SLC16A13: variants seen among roughly 807,000 people sequenced by gnomAD.
The protein encoded by SLC16A13 is monocarboxylate transporter 13.
Under a neutral mutation model 28.1 loss-of-function variants are expected in SLC16A13, and 28 were observed. The ratio of observed to expected loss-of-function variants is 1.00; its 90% CI spans 0.74 to 1.37. SLC16A13 has a LOEUF of 1.37. SLC16A13 is among the 40% of genes most tolerant of loss of function. The pLI is 0.00. For synonymous variants in SLC16A13, 228 were observed against 241.6 expected (o/e 0.94, Z 0.52); for missense variants, 482 against 531.8 (o/e 0.91, Z 0.92).
At position 7,039,612 on chromosome 17, in the gene SLC16A13, G is replaced by A. The variant is rs568363544; in HGVS notation, c.1082-151G>A. ...AAATTAACTTTTGAGGCCCTTTTGG[G>A]AAACCAGAGTTCTTAAGTTTATCCA... On this transcript the variant is annotated intron_variant, in intron 3 of 3. Transcript: ENST00000308027. This position sits in a 1 kb window ranked among gnomAD's most constrained non-coding sequence, Gnocchi z 4.3. 47 of 814,918 alleles carry A rather than the reference G, an allele frequency of 5.8e-5. No individual in the cohort carries two copies. Among genetic ancestry groups the A allele is most frequent in the Admixed American group, 1.7e-4 (6 of 34,824 alleles). 50.5% of individuals were successfully genotyped at this position (814,918 alleles called of 1,614,324 possible).
rs761941861 is a variant in SLC16A13 at position 7,038,112 on chromosome 17, T to A, written c.344-40T>A. 3.2e-6 allele frequency: 5 copies of A among 1,572,740 alleles called. No individual in the cohort carries two copies. The highest frequency in any genetic ancestry group is 3.4e-6 in the Non-Finnish European group (4 of 1,160,136). On this transcript the variant is annotated intron_variant, in intron 2 of 3. Transcript: ENST00000308027. This position sits in a 1 kb window ranked among gnomAD's most constrained non-coding sequence, Gnocchi z 5.7. The stretch of plus-strand genomic sequence containing the variant: ...GCGGGGATTACTGTGTGCCTTGAGC[T>A]CCCTAAGAGTTCTCAACACCACTTC...
Position 7,038,942 on chromosome 17 carries a change from G to A in SLC16A13, c.1081+53G>A. 6.4e-7 allele frequency: 1 copy of A among 1,554,700 alleles called. No individual in the cohort carries two copies. The highest frequency in any genetic ancestry group is 8.7e-7 in the Non-Finnish European group (1 of 1,154,052). ...GAGGGCTGCCATGTTGCACAACTAGGGGAGGGTACTATTCTCATTACAGTG... is the reference window on the plus strand; with the variant it reads ...GAGGGCTGCCATGTTGCACAACTAGAGGAGGGTACTATTCTCATTACAGTG... On this transcript the variant is annotated intron_variant, in intron 3 of 3. Coordinates refer to ENST00000308027, the MANE Select transcript of SLC16A13 (RefSeq NM_201566.3). This position sits in a 1 kb window ranked among gnomAD's most constrained non-coding sequence, Gnocchi z 5.7.
chr17:7,040,044 C>A lies in SLC16A13; in HGVS notation c.*82C>A. On this transcript the variant is annotated 3_prime_UTR_variant, in exon 4 of 4. Coordinates refer to ENST00000308027, the MANE Select transcript of SLC16A13 (RefSeq NM_201566.3). ...CCACGTCTTGGTCTCCACAGAACCA[C>A]AGTGCCTTAAGATTCTTGATCTGCC... 1.5e-6 allele frequency: 2 copies of A among 1,302,950 alleles called. No individual in the cohort carries two copies. Among genetic ancestry groups the A allele is most frequent in the Non-Finnish European group, 1.1e-6 (1 of 925,400 alleles). 80.7% of individuals were successfully genotyped at this position (1,302,950 alleles called of 1,614,324 possible).
In SLC16A13 at chr17:7,036,722, C is replaced by T; in HGVS notation, c.200-5C>T. On this transcript the variant is annotated splice_polypyrimidine_tract_variant and splice_region_variant and intron_variant, in intron 1 of 3. Transcript: ENST00000308027. ...CTTCTCGCAGCGCCCCTTCCACTTCCTCAGGCCCGGTAGGCAGTGCCCTGA... is the reference window on the plus strand; with the variant it reads ...CTTCTCGCAGCGCCCCTTCCACTTCTTCAGGCCCGGTAGGCAGTGCCCTGA... 6.2e-7 allele frequency: 1 copy of T among 1,612,102 alleles called. No individual in the cohort carries two copies. The highest frequency in any genetic ancestry group is 8.5e-7 in the Non-Finnish European group (1 of 1,179,954).
chr17:7,038,810 G>A lies in SLC16A13; in HGVS notation c.1002G>A (p.Gly334=). 1.2e-6 allele frequency: 2 copies of A among 1,613,964 alleles called. No homozygotes were observed. Among genetic ancestry groups the A allele is most frequent in the East Asian group, 2.2e-5 (1 of 44,882 alleles). ...LAFSVLPELI[G]TRRIYCGLGL... The stretch of plus-strand genomic sequence containing the variant: ...TCTCCGTGCTGCCTGAACTAATAGG[G>A]ACTAGAAGGATTTACTGTGGCCTGG... Residue 334 remains glycine, a synonymous_variant, in exon 3 of 4, where the codon GGG becomes GGA. Coordinates refer to ENST00000308027, the MANE Select transcript of SLC16A13 (RefSeq NM_201566.3). This position sits in a 1 kb window ranked among gnomAD's most constrained non-coding sequence, Gnocchi z 5.7.
intron 2 of SLC16A13, chr17:7,037,126 T>C (rs112621922): frequency 0.045 from 12,539 of 277,786 alleles, 383 homozygotes; most frequent in African/African-American, 0.055. Context: ...CCGAGGCGGG[T>C]GGATCACGAG....
In SLC16A13 at chr17:7,038,649, A is replaced by G. The variant is rs762050984; in HGVS notation, c.841A>G (p.Thr281Ala). 4 of 1,614,072 alleles carry G rather than the reference A, an allele frequency of 2.5e-6. No individual in the cohort carries two copies. Among genetic ancestry groups the G allele is most frequent in the Non-Finnish European group, 3.4e-6 (4 of 1,180,010 alleles). Residue 281 changes from threonine to alanine, a missense_variant, in exon 3 of 4, where the codon ACA becomes GCA. Physicochemically the swap from Thr to Ala is moderately conservative, Grantham distance 58 (BLOSUM62 0). Coordinates refer to ENST00000308027, the MANE Select transcript of SLC16A13 (RefSeq NM_201566.3). This position sits in a 1 kb window ranked among gnomAD's most constrained non-coding sequence, Gnocchi z 5.7. ...GGGAGATGCAGTCCCAGGGCCTGTG[A>G]CACGACTCCTGATGCTCTGGACCAC... The part of the protein sequence containing the change: ...WLGDAVPGPV[T>A]RLLMLWTTLT...
At position 7,038,709 on chromosome 17, in the gene SLC16A13, G is replaced by A; in HGVS notation, c.901G>A (p.Ala301Thr). Residue 301 changes from alanine to threonine, a missense_variant, in exon 3 of 4, where the codon GCT becomes ACT. By Grantham distance (58) the Ala-to-Thr change is moderately conservative (BLOSUM62 0). Transcript: ENST00000308027. The surrounding 1 kb of genome is among the most constrained non-coding windows in gnomAD (Gnocchi z 5.7). ...GGTGTCACTAGCCCTGTTCCCTGTA[G>A]CTCAGGCTCCCACAGCCCTGGTGGC... Reference protein sequence around the residue: ...TGVSLALFPVAQAPTALVALA... With the variant: ...TGVSLALFPVTQAPTALVALA... 6.2e-7 allele frequency: 1 copy of A among 1,614,182 alleles called. No individual in the cohort carries two copies. The highest frequency in any genetic ancestry group is 8.5e-7 in the Non-Finnish European group (1 of 1,180,042).
In SLC16A13 at chr17:7,039,451, C is replaced by T. The variant is rs992528031; in HGVS notation, c.1082-312C>T. 6.8e-6 allele frequency among the ~76,000 whole-genome samples: 1 copy of T among 147,996 alleles called. No homozygotes were observed. Among genetic ancestry groups the T allele is most frequent in the African/African-American group, 2.5e-5 (1 of 39,326 alleles). On this transcript the variant is annotated intron_variant, in intron 3 of 3. Transcript: ENST00000308027. This position sits in a 1 kb window ranked among gnomAD's most constrained non-coding sequence, Gnocchi z 4.3. ...CTTCAGCCTGGGCGACAGAGCGAGA[C>T]TCCGTCTCAAAAAAAAAAAAAAAAG... is the stretch of plus-strand genomic sequence containing the variant.
rs1467661857 is a variant in SLC16A13, at chr17:7,039,886, C to G, written c.1205C>G (p.Ser402Cys). ...TTCTTCTGCTTCTCAACTACTACCT[C>G]CGGGCCCCAGGACCTTGTAACAGAA... ...PHFFCFSTTT[S>C]GPQDLVTEAL... Residue 402 changes from serine to cysteine, a missense_variant, in exon 4 of 4, where the codon TCC becomes TGC. By Grantham distance (112) the Ser-to-Cys change is moderately radical (BLOSUM62 -1). Coordinates refer to ENST00000308027, the MANE Select transcript of SLC16A13 (RefSeq NM_201566.3). The surrounding 1 kb of genome is among the most constrained non-coding windows in gnomAD (Gnocchi z 4.3). 1 of 1,614,186 alleles carries G rather than the reference C, an allele frequency of 6.2e-7. No homozygotes were observed. Among genetic ancestry groups the G allele is most frequent in the Admixed American group, 1.7e-5 (1 of 60,024 alleles).
In SLC16A13 at chr17:7,039,006, C is replaced by A. The variant is rs191781955; in HGVS notation, c.1081+117C>A. 104 of 1,340,958 alleles carry A rather than the reference C, an allele frequency of 7.8e-5. No individual in the cohort carries two copies. Among genetic ancestry groups the A allele is most frequent in the Middle Eastern group, 4.5e-4 (2 of 4,446 alleles). The allele number at this position is 1,340,958 out of a possible 1,614,324, so 83.1% of individuals were successfully genotyped here. On this transcript the variant is annotated intron_variant, in intron 3 of 3. Transcript: ENST00000308027. This position sits in a 1 kb window ranked among gnomAD's most constrained non-coding sequence, Gnocchi z 4.3. The stretch of plus-strand genomic sequence containing the variant: ...CCCTCTGGTGTAGTACAGTACACAG[C>A]CTGCGTGGCCAACCATAGCATCCCT...
At position 7,036,362 on chromosome 17, in the gene SLC16A13, A is replaced by G. The variant is rs1910578626; in HGVS notation, c.-21A>G. 1 of 1,595,900 alleles carries G rather than the reference A, an allele frequency of 6.3e-7. No homozygotes were observed. Among genetic ancestry groups the G allele is most frequent in the Non-Finnish European group, 8.5e-7 (1 of 1,171,188 alleles). The stretch of plus-strand genomic sequence containing the variant: ...GGCTCCTGCAGAGGCTCTGGGTGGC[A>G]GCAGCCCTGTTACCGCTTAGATGGC... On this transcript the variant is annotated 5_prime_UTR_variant, in exon 1 of 4. Transcript: ENST00000308027.
chr17:7,039,841 T>C lies in SLC16A13; in HGVS notation c.1160T>C (p.Ile387Thr), dbSNP rs1910674533. Residue 387 changes from isoleucine (I) to threonine (T), a missense_variant, in exon 4 of 4, where the codon ATT (isoleucine) becomes ACT (threonine). Coordinates refer to ENST00000308027, the MANE Select transcript of SLC16A13 (RefSeq NM_201566.3). This position sits in a 1 kb window ranked among gnomAD's most constrained non-coding sequence, Gnocchi z 4.3. Reference sequence around the variant, plus strand: ...GCCTTCCTTCTTTCAGGGAGTGGCATTCTCCTCACCCTGCCCCACTTCTTC... The same window carrying C: ...GCCTTCCTTCTTTCAGGGAGTGGCACTCTCCTCACCCTGCCCCACTTCTTC... ...AGAFLLSGSGILLTLPHFFCF... is the reference protein window; with the variant it reads ...AGAFLLSGSGTLLTLPHFFCF... The C allele has an allele frequency of 2.5e-6, 4 of 1,614,146 alleles. No homozygotes were observed. Among genetic ancestry groups the C allele is most frequent in the Non-Finnish European group, 3.4e-6 (4 of 1,180,028 alleles).
At position 7,036,830 on chromosome 17, in the gene SLC16A13, T is replaced by G; in HGVS notation, c.303T>G (p.Thr101=). Residue 101 remains threonine (T), a synonymous_variant, in exon 2 of 4, where the codon ACT becomes ACG. Coordinates refer to ENST00000308027, the MANE Select transcript of SLC16A13 (RefSeq NM_201566.3). ...GGATGCTGCTCGCCTCTTTTGCTAC[T>G]TCCTTGACCCACCTATACCTGAGTA... ...ALGMLLASFA[T]SLTHLYLSIG... is the part of the protein sequence containing the mutation. The G allele has an allele frequency of 1.2e-6, 2 of 1,613,798 alleles. No individual in the cohort carries two copies. Among genetic ancestry groups the G allele is most frequent in the South Asian group, 1.1e-5 (1 of 91,092 alleles).
At position 7,039,638 on chromosome 17, in the gene SLC16A13, A is replaced by G. The variant is rs114051518; in HGVS notation, c.1082-125A>G. On this transcript the variant is annotated intron_variant, in intron 3 of 3. Coordinates refer to ENST00000308027, the MANE Select transcript of SLC16A13 (RefSeq NM_201566.3). The surrounding 1 kb of genome is among the most constrained non-coding windows in gnomAD (Gnocchi z 4.3). ...AAACCAGAGTTCTTAAGTTTATCCA[A>G]CTATTCCATGGGAGTTCCAACTCCT... The G allele has an allele frequency of 1.9e-3, 1,848 of 991,836 alleles. 24 individuals carry two copies. The African/African-American group carries it at 0.026, about 14-fold the overall frequency. 61.4% of individuals were successfully genotyped at this position (991,836 alleles called of 1,614,324 possible).
At position 7,039,925 on chromosome 17, in the gene SLC16A13, A is replaced by G; in HGVS notation, c.1244A>G (p.Lys415Arg). 6.2e-7 allele frequency: 1 copy of G among 1,613,920 alleles called. No individual in the cohort carries two copies. Among genetic ancestry groups the G allele is most frequent in the Non-Finnish European group, 8.5e-7 (1 of 1,180,010 alleles). The change falls in exon 4 of 4, where the codon AAA becomes AGA. Residue 415 changes from lysine (K) to arginine (R), a missense_variant. Transcript: ENST00000308027. The surrounding 1 kb of genome is among the most constrained non-coding windows in gnomAD (Gnocchi z 4.3). ...QDLVTEALDT[K>R]VPLPKEGLEE... is the part of the protein sequence containing the mutation. ...CTTGTAACAGAAGCACTAGATACTA[A>G]AGTTCCCCTACCCAAGGAGGGGCTG...
In SLC16A13 at chr17:7,036,539, T is replaced by G; in HGVS notation, c.157T>G (p.Ser53Ala). The G allele has an allele frequency of 2.5e-6, 4 of 1,612,492 alleles. No homozygotes were observed. Among genetic ancestry groups the G allele is most frequent in the Non-Finnish European group, 3.4e-6 (4 of 1,180,036 alleles). Residue 53 changes from serine (S) to alanine (A), a missense_variant, in exon 1 of 4, where the codon TCC (serine) becomes GCC (alanine). Physicochemically the swap from Ser to Ala is moderately conservative, Grantham distance 99. Coordinates refer to ENST00000308027, the MANE Select transcript of SLC16A13 (RefSeq NM_201566.3). ...AAFEEQAARV[S>A]WIASIGIAVQ... ...GTTTGAGGAGCAGGCAGCGCGCGTC[T>G]CCTGGATCGCCTCCATAGGAATCGC...
Position 7,038,805 on chromosome 17 carries a change from A to G in SLC16A13, c.997A>G (p.Ile333Val). The stretch of plus-strand genomic sequence containing the variant: ...GGCCTTCTCCGTGCTGCCTGAACTA[A>G]TAGGGACTAGAAGGATTTACTGTGG... ...PLAFSVLPEL[I>V]GTRRIYCGLG... is the part of the protein sequence containing the mutation. The change falls in exon 3 of 4, where the codon ATA (isoleucine) becomes GTA (valine). Residue 333 changes from isoleucine to valine, a missense_variant. Ile to Val is a conservative substitution (Grantham distance 29). Coordinates refer to ENST00000308027, the MANE Select transcript of SLC16A13 (RefSeq NM_201566.3). The surrounding 1 kb of genome is among the most constrained non-coding windows in gnomAD (Gnocchi z 5.7). 6.2e-7 allele frequency: 1 copy of G among 1,613,976 alleles called. No homozygotes were observed. Among genetic ancestry groups the G allele is most frequent in the East Asian group, 2.2e-5 (1 of 44,874 alleles).
Position 7,038,778 on chromosome 17 carries a change from C to T in SLC16A13, c.970C>T (p.Leu324=), listed in dbSNP as rs1205453807. 18 of 1,613,922 alleles carry T rather than the reference C, an allele frequency of 1.1e-5. No homozygotes were observed. The highest frequency in any genetic ancestry group is 4.5e-5 in the East Asian group (2 of 44,890). Residue 324 remains leucine (L), a synonymous_variant, in exon 3 of 4, where the codon CTG becomes TTG. Transcript: ENST00000308027. The surrounding 1 kb of genome is among the most constrained non-coding windows in gnomAD (Gnocchi z 5.7). ...YGFTSGALAP[L]AFSVLPELIG... Reference sequence around the variant, plus strand: ...CTTCACATCAGGGGCTCTGGCCCCACTGGCCTTCTCCGTGCTGCCTGAACT... The same window carrying T: ...CTTCACATCAGGGGCTCTGGCCCCATTGGCCTTCTCCGTGCTGCCTGAACT...
Sources: allele counts gnomAD v4.1 joint callset (sites outside exome capture counted in the v4.1 genomes callset), GRCh38; gene constraint gnomAD v4.1.1; non-coding constraint Gnocchi (gnomAD v3.1); transcripts MANE v1.5; gene names NCBI Gene and HGNC (gene_info 2026-07-23, HGNC 2026-07-21).